The following CTDSPL2 variants were observed in gnomAD, a reference collection of about 807,000 sequenced individuals.
The protein encoded by CTDSPL2 is CTD small phosphatase like 2.
CTDSPL2 carries 5 observed loss-of-function variants against 60.0 expected under a neutral mutation model. The observed-to-expected ratio is 0.08, with a 90% CI of 0.04 to 0.18. The LOEUF is 0.18. CTDSPL2 is among the 10% of genes least tolerant of loss of function. The pLI is 1.00. For missense variants in CTDSPL2, 370 were observed against 548.8 expected (o/e 0.67, Z 3.26); for synonymous variants, 186 against 189.3 (o/e 0.98, Z 0.14).
intron 10 of CTDSPL2, among the ~76,000 whole-genome samples, chr15:44,518,437 TACTTGATAC>T (rs2081697896): frequency 6.6e-6 from 1 of 152,224 alleles, no homozygotes; most frequent in Non-Finnish European, 1.5e-5. Flanking sequence ...ACATTTATAA[TACTTGATAC>T]TTAAATCTGA....
Position 44,431,740 on chromosome 15 carries a change from CAG to C in CTDSPL2, c.-25+3971_-25+3972del, listed in dbSNP as rs968493825. ...TGTTTTTTTTTTTTTTTTTTTGAGA[CAG>C]AGTTTCGCTCTTGTTCCCCAGCCTG... is the stretch of plus-strand genomic sequence containing the variant. On this transcript the variant is annotated intron_variant, in intron 1 of 12. Transcript: ENST00000260327. Among the ~76,000 whole-genome samples the C allele has an allele frequency of 3.0e-5, 4 of 135,250 alleles. No homozygotes were observed. In the East Asian group the frequency reaches 6.7e-4, roughly 23 times the overall value. The allele number at this position is 135,250 out of a possible 152,430, so 88.7% of individuals were successfully genotyped here.
chr15:44,435,872 G>T (rs2079971173), intron 1 of CTDSPL2, among the ~76,000 whole-genome samples: 1 of 152,068 alleles, frequency 6.6e-6, no homozygotes, highest in South Asian at 2.1e-4. Flanking sequence ...CTCCCAAAGT[G>T]CTGGGATTAC....
intron 1 of CTDSPL2, among the ~76,000 whole-genome samples, chr15:44,451,190 C>T (rs2080328104): frequency 1.3e-5 from 2 of 152,132 alleles, no homozygotes; most frequent in African/African-American, 4.8e-5. Context: ...GCCTCAGCTT[C>T]TCAGGCTCAA....
chr15:44,519,490 A>G, intron 11 of CTDSPL2, 195 bp downstream of exon 11: 1 of 427,118 alleles, frequency 2.3e-6, no homozygotes, highest in South Asian at 4.0e-5. Context: ...AATGACATGC[A>G]GCATAAATGA....
intron 5 of CTDSPL2, among the ~76,000 whole-genome samples, chr15:44,496,120 G>A (rs995101209): frequency 5.3e-5 from 8 of 152,108 alleles, no homozygotes; most frequent in Non-Finnish European, 1.0e-4. Flanking sequence ...CTAGTAATAA[G>A]TAGTAGATTT....
chr15:44,521,272 T>C (rs1461664544), intron 11 of CTDSPL2, 39 bp from the exon 12 acceptor site: 5 of 1,004,864 alleles, frequency 5.0e-6, no homozygotes, highest in Non-Finnish European at 7.5e-6. Flanking sequence ...AGGTAAAATA[T>C]AAGTAAAAGA....
chr15:44,430,821 T>G (rs1216551641), intron 1 of CTDSPL2, among the ~76,000 whole-genome samples: 1 of 145,150 alleles, frequency 6.9e-6, no homozygotes, highest in Non-Finnish European at 1.5e-5. Flanking sequence ...CATTTGCTAC[T>G]TTTTTTTTTG....
At chr15:44,515,107 G>C (rs2555353) in intron 10 of CTDSPL2, among the ~76,000 whole-genome samples, 1 of 151,990 alleles carries the variant, frequency 6.6e-6, no homozygotes, top group African/African-American at 2.4e-5. Context: ...TGGGGAAGAC[G>C]GGGGTTGGGG....
rs1268114525 is a variant in CTDSPL2 at position 44,486,457 on chromosome 15, G to C, written c.326-94G>C. On this transcript the variant is annotated intron_variant, in intron 3 of 12. Coordinates refer to ENST00000260327, the MANE Select transcript of CTDSPL2 (RefSeq NM_016396.3). ...ATTAGCTTTCGTGAAGTATTTTGAG[G>C]GAAAAAGAGTTACTTCTATAATGAA... 3.4e-5 allele frequency: 29 copies of C among 853,104 alleles called. 1 individual carries two copies. In the East Asian group the frequency reaches 8.2e-4, roughly 24 times the overall value. The allele number at this position is 853,104 out of a possible 1,614,324, so 52.8% of individuals were successfully genotyped here.
intron 3 of CTDSPL2, among the ~76,000 whole-genome samples, chr15:44,485,411 T>G (rs1230198615): frequency 6.6e-6 from 1 of 152,204 alleles, no homozygotes; most frequent in African/African-American, 2.4e-5. Context: ...AAGACAGTTT[T>G]TCCACTGACA....
intron 1 of CTDSPL2, chr15:44,448,855 G>A (rs575733432): frequency 1.0e-5 from 4 of 393,618 alleles, no homozygotes; most frequent in Admixed American, 3.8e-5. Context: ...CTTTACCTGC[G>A]TTGGTCTATC....
intron 3 of CTDSPL2, among the ~76,000 whole-genome samples, chr15:44,485,154 T>G (rs888629510): frequency 1.4e-4 from 22 of 152,330 alleles, no homozygotes; most frequent in African/African-American, 4.8e-4. Flanking sequence ...TAGTGTCTAC[T>G]AGGTGGATGT....
intron 1 of CTDSPL2, among the ~76,000 whole-genome samples, chr15:44,442,191 C>T (rs2080103021): frequency 6.6e-6 from 1 of 152,126 alleles, no homozygotes; most frequent in Non-Finnish European, 1.5e-5. Flanking sequence ...TGGCTCATGC[C>T]TGTAATCCCA....
intron 2 of CTDSPL2, among the ~76,000 whole-genome samples, chr15:44,461,573 C>T (rs1268992472): frequency 4.0e-5 from 5 of 125,668 alleles, no homozygotes; most frequent in African/African-American, 1.5e-4. Context: ...GTTTCTCTCC[C>T]TTTTTTTTTT....
chr15:44,429,212 A>G (rs1332400443), intron 1 of CTDSPL2, among the ~76,000 whole-genome samples: 2 of 152,216 alleles, frequency 1.3e-5, no homozygotes, highest in African/African-American at 4.8e-5. Flanking sequence ...AAGAAAGTCA[A>G]GGCAAAAGGT....
intron 8 of CTDSPL2, among the ~76,000 whole-genome samples, chr15:44,511,885 A>G (rs866215968): frequency 0.022 from 3,386 of 150,738 alleles, 163 homozygotes; most frequent in African/African-American, 0.08. Context: ...AAAAAAAAAA[A>G]AAAAAAAGAA....
intron 8 of CTDSPL2, among the ~76,000 whole-genome samples, chr15:44,513,506 T>G (rs1183109404): frequency 1.3e-5 from 2 of 152,132 alleles, no homozygotes; most frequent in Non-Finnish European, 2.9e-5. Flanking sequence ...GGTCAGTTCT[T>G]AAGGAAATTC....
intron 4 of CTDSPL2, among the ~76,000 whole-genome samples, chr15:44,487,515 G>C (rs1276316077): frequency 6.6e-6 from 1 of 152,128 alleles, no homozygotes; most frequent in Non-Finnish European, 1.5e-5. Flanking sequence ...TGGGTGGCAG[G>C]GGTAGTGGCT....
At position 44,456,730 on chromosome 15, in the gene CTDSPL2, G is replaced by A. The variant is rs533742334; in HGVS notation, c.-24-2261G>A. Among the ~76,000 whole-genome samples the A allele has an allele frequency of 2.6e-5, 4 of 151,284 alleles. No individual in the cohort carries two copies. The South Asian group carries it at 8.4e-4, about 32-fold the overall frequency. ...TGATTTTTTTTAAGGGTTTTTTTGT[G>A]TCTCTATCTCCCTCAGTTCTGCTCT... is the stretch of plus-strand genomic sequence containing the variant. On this transcript the variant is annotated intron_variant, in intron 1 of 12. Coordinates refer to ENST00000260327, the MANE Select transcript of CTDSPL2 (RefSeq NM_016396.3).
Sources: gnomAD v4.1 joint callset for allele counts (sites outside exome capture counted in the v4.1 genomes callset) on GRCh38, gnomAD v4.1.1 for gene constraint, MANE v1.5 for transcripts, NCBI Gene and HGNC (gene_info 2026-07-23, HGNC 2026-07-21) for gene names.